Variants in CEP164 observed in about 807,000 individuals in gnomAD.
CEP164 encodes the protein centrosomal protein 164, also known as centrosomal protein of 164 kDa.
CEP164 carries 162 observed loss-of-function variants against 182.7 expected under a neutral mutation model. That is an observed-to-expected ratio of 0.89 (90% CI 0.78 to 1.01). CEP164 has a LOEUF of 1.01. Ranked by LOEUF, CEP164 falls within the 50% of genes least tolerant of loss-of-function variation. The probability of loss-of-function intolerance (pLI) is 0.00; values close to 1 mark genes in which losing one functional copy is unlikely to be tolerated. For synonymous variants in CEP164, 661 were observed against 690.0 expected (o/e 0.96, Z 0.66); for missense variants, 1,735 against 1,790.4 (o/e 0.97, Z 0.56).
Position 117,362,141 on chromosome 11 carries a change from C to T in CEP164, c.552+148C>T, listed in dbSNP as rs183408857. On this transcript the variant is annotated intron_variant, in intron 6 of 32. Coordinates refer to ENST00000278935, the MANE Select transcript of CEP164 (RefSeq NM_014956.5). ...TCCAGTTGGGAAAATGTAATTCGCA[C>T]CTGTATGAATGTGGACTCTGGGCTG... 100 of 832,080 alleles carry T rather than the reference C, an allele frequency of 1.2e-4. No individual in the cohort carries two copies. In the East Asian group the frequency reaches 2.4e-3, roughly 20 times the overall value. 51.5% of individuals were successfully genotyped at this position (832,080 alleles called of 1,614,324 possible).
At position 117,397,136 on chromosome 11, in the gene CEP164, A is replaced by G. The variant is rs781635797; in HGVS notation, c.3324A>G (p.Val1108=). ...NVWHLLSAEG[V]ALRSAKEFLV... ...GGCACCTCCTCTCTGCTGAGGGGGTAGCCCTCCGTAGTGCCAAGGAGTTCC... is the reference window on the plus strand; with the variant it reads ...GGCACCTCCTCTCTGCTGAGGGGGTGGCCCTCCGTAGTGCCAAGGAGTTCC... The change falls in exon 27 of 33, where the codon GTA becomes GTG. Residue 1108 remains valine, a synonymous_variant. Coordinates refer to ENST00000278935, the MANE Select transcript of CEP164 (RefSeq NM_014956.5). 1 of 1,614,090 alleles carries G rather than the reference A, an allele frequency of 6.2e-7. No individual in the cohort carries two copies. Among genetic ancestry groups the G allele is most frequent in the East Asian group, 2.2e-5 (1 of 44,896 alleles).
intron 1 of CEP164, among the ~76,000 whole-genome samples, chr11:117,329,201 A>G (rs2035805217): frequency 6.6e-6 from 1 of 151,618 alleles, no homozygotes; most frequent in Non-Finnish European, 1.5e-5. Flanking sequence ...CCCTCAAGCC[A>G]TCCTCCCACC....
intron 2 of CEP164, among the ~76,000 whole-genome samples, chr11:117,336,993 G>C (rs2037248138): frequency 1.3e-5 from 2 of 152,038 alleles, no homozygotes; most frequent in Admixed American, 1.3e-4. Context: ...GGGAAGAGAG[G>C]AGCAATTCTA....
At chr11:117,396,004 C>A (rs1181464469) in intron 24 of CEP164, 50 bp from the exon 25 acceptor site, 2 of 1,610,842 alleles carry the variant, frequency 1.2e-6, no homozygotes, top group South Asian at 1.1e-5. Flanking sequence ...TCACCCCTCC[C>A]CCCCATCGCC....
At chr11:117,347,295 G>T (rs1361665794) in intron 4 of CEP164, among the ~76,000 whole-genome samples, 1 of 152,140 alleles carries the variant, frequency 6.6e-6, no homozygotes, top group Non-Finnish European at 1.5e-5. Flanking sequence ...ATTCTGTCTT[G>T]ATTACTGTAG....
chr11:117,385,124 C>T (rs576636910), intron 14 of CEP164: 2 of 152,416 alleles, frequency 1.3e-5, no homozygotes, highest in East Asian at 3.9e-4. Context: ...GCCCTCCGCT[C>T]TCTTTCTTCC....
chr11:117,355,921 T>G, intron 5 of CEP164: 4 of 1,049,828 alleles, frequency 3.8e-6, no homozygotes, highest in South Asian at 3.1e-5. Flanking sequence ...CTCCTGCCAG[T>G]GAGAAGAGAC....
intron 2 of CEP164, chr11:117,336,249 CT>C: frequency 6.3e-7 from 1 of 1,588,272 alleles, no homozygotes; most frequent in Non-Finnish European, 8.6e-7. Context: ...AGGAGGAATG[CT>C]TGCCATGCTT....
chr11:117,406,813 C>T (rs934472666), intron 27 of CEP164, among the ~76,000 whole-genome samples: 2 of 152,124 alleles, frequency 1.3e-5, no homozygotes, highest in African/African-American at 2.4e-5. Context: ...TGATGGTGCT[C>T]AGCCAGGCGC....
In CEP164 at chr11:117,380,722, G is replaced by T. The variant is rs773833785; in HGVS notation, c.1409+17G>T. ...GGAGGAGAGGTACCATAGGTGGGAG[G>T]CTATCCCCAGCGCTGTGCCTTCAGG... On this transcript the variant is annotated intron_variant, in intron 12 of 32. Coordinates refer to ENST00000278935, the MANE Select transcript of CEP164 (RefSeq NM_014956.5). The T allele has an allele frequency of 1.3e-6, 2 of 1,584,004 alleles. No homozygotes were observed. Among genetic ancestry groups the T allele is most frequent in the East Asian group, 4.6e-5 (2 of 43,666 alleles).
chr11:117,406,042 A>G (rs1336939066), intron 27 of CEP164, among the ~76,000 whole-genome samples: 2 of 152,182 alleles, frequency 1.3e-5, no homozygotes, highest in Non-Finnish European at 2.9e-5. Context: ...TCTGCCTGTT[A>G]CCCATTTCCA....
chr11:117,411,059 G>A lies in CEP164; in HGVS notation c.4163+165G>A, dbSNP rs1173491017. The A allele has an allele frequency of 7.9e-6, 5 of 629,216 alleles. 1 individual carries two copies. Among genetic ancestry groups the A allele is most frequent in the Admixed American group, 4.9e-5 (2 of 40,624 alleles). 39.0% of individuals were successfully genotyped at this position (629,216 alleles called of 1,614,324 possible). A position where few individuals can be genotyped will look rare whatever the true frequency, so the allele number is the denominator to read the frequency against. On this transcript the variant is annotated intron_variant, in intron 31 of 32. Transcript: ENST00000278935. The surrounding 1 kb of genome is among the most constrained non-coding windows in gnomAD (Gnocchi z 4.4). ...GCTGTCCCCGCTTGCCTGGGTCTGA[G>A]GCGCCCCTCCATGACCAGGGGAAAG... is the stretch of plus-strand genomic sequence containing the variant.
Position 117,412,764 on chromosome 11 carries a change from G to A in CEP164, c.*596G>A, listed in dbSNP as rs1020354693. ...TTTGACCCTCTCAGGACTGGGCTTAGCTGTCCAGAGCCCTGCCGGAGGGTG... is the reference window on the plus strand; with the variant it reads ...TTTGACCCTCTCAGGACTGGGCTTAACTGTCCAGAGCCCTGCCGGAGGGTG... On this transcript the variant is annotated 3_prime_UTR_variant, in exon 33 of 33. Transcript: ENST00000278935. The A allele has an allele frequency of 6.5e-6, 1 of 153,094 alleles. No individual in the cohort carries two copies. The highest frequency in any genetic ancestry group is 2.4e-5 in the African/African-American group (1 of 41,382). 9.5% of individuals were successfully genotyped at this position (153,094 alleles called of 1,614,324 possible). A position where few individuals can be genotyped will look rare whatever the true frequency, so the allele number is the denominator to read the frequency against.
chr11:117,351,716 T>C (rs1474233622), intron 4 of CEP164, 74 bp from the exon 5 acceptor site: 1 of 1,433,078 alleles, frequency 7.0e-7, no homozygotes, highest in South Asian at 1.3e-5. Context: ...TCCCTTTTTC[T>C]TTTTTTCCCC....
At position 117,396,092 on chromosome 11, in the gene CEP164, T is replaced by A; in HGVS notation, c.3128T>A (p.Leu1043Ter). The A allele has an allele frequency of 1.2e-6, 2 of 1,613,926 alleles. No individual in the cohort carries two copies. Among genetic ancestry groups the A allele is most frequent in the Non-Finnish European group, 1.7e-6 (2 of 1,179,872 alleles). ...GAAGCTCAAAAGAAGCAGCACCTGT[T>A]GAGAGAAGTGACAGTTGAGGAAAAT... ...EAEAQKKQHL[L>*]REVTVEENNA... The change falls in exon 25 of 33, where the codon TTG becomes TAG. Residue 1043 changes from leucine (L) to a stop codon, truncating the protein, a stop_gained. Coordinates refer to ENST00000278935, the MANE Select transcript of CEP164 (RefSeq NM_014956.5). LOFTEE classifies it high-confidence loss of function.
chr11:117,334,891 A>G (rs1370694293), intron 1 of CEP164, among the ~76,000 whole-genome samples: 4 of 151,872 alleles, frequency 2.6e-5, no homozygotes, highest in Non-Finnish European at 5.9e-5. Flanking sequence ...TGGAGATGGG[A>G]TGCATCTAGG....
chr11:117,410,168 T>C (rs1275261896), intron 30 of CEP164: 1 of 689,308 alleles, frequency 1.5e-6, no homozygotes, highest in African/African-American at 1.7e-5. Flanking sequence ...ACATTGCAGG[T>C]GGCCCTGCAG....
Position 117,395,555 on chromosome 11 carries a change from A to G in CEP164, c.2922A>G (p.Thr974=), listed in dbSNP as rs757007329. ...TTTCCTTTTGCCCCTAGGAAGCCAC[A>G]GCCACCCATCAGCAGCTGGAGGAGG... ...RQVALKSEEA[T]ATHQQLEEAQ... is the part of the protein sequence containing the mutation. The change falls in exon 24 of 33, where the codon ACA becomes ACG. Residue 974 remains threonine, a synonymous_variant. Transcript: ENST00000278935. The G allele has an allele frequency of 1.9e-6, 3 of 1,610,526 alleles. No individual in the cohort carries two copies. Among genetic ancestry groups the G allele is most frequent in the South Asian group, 2.2e-5 (2 of 90,516 alleles).
At chr11:117,365,304 A>G (rs1212387054) in intron 8 of CEP164, among the ~76,000 whole-genome samples, 1 of 152,238 alleles carries the variant, frequency 6.6e-6, no homozygotes, top group Non-Finnish European at 1.5e-5. Flanking sequence ...TTGTTCAACA[A>G]TCGAGAGAGT....
Sources: allele counts gnomAD v4.1 joint callset (sites outside exome capture counted in the v4.1 genomes callset), GRCh38; gene constraint gnomAD v4.1.1; non-coding constraint Gnocchi (gnomAD v3.1); transcripts MANE v1.5; gene names NCBI Gene and HGNC (gene_info 2026-07-23, HGNC 2026-07-21).